Variants in SLMAP observed in about 807,000 individuals in gnomAD.
SLMAP encodes sarcolemmal membrane-associated protein.
A neutral mutation model predicts 128.8 loss-of-function variants in SLMAP; 44 were observed. The ratio of observed to expected loss-of-function variants is 0.34; its 90% confidence interval spans 0.27 to 0.44. The LOEUF is 0.44. SLMAP is among the 20% of genes least tolerant of loss of function. The pLI is 1.00. For synonymous variants in SLMAP, 327 were observed against 348.8 expected (o/e 0.94, Z 0.70); for missense variants, 787 against 985.3 (o/e 0.80, Z 2.69).
Position 57,896,921 on chromosome 3 carries a change from C to G in SLMAP, c.1490C>G (p.Ser497Cys). 1 of 1,613,012 alleles carries G rather than the reference C, an allele frequency of 6.2e-7. No homozygotes were observed. Among genetic ancestry groups the G allele is most frequent in the South Asian group, 1.1e-5 (1 of 90,698 alleles). The change falls in exon 17 of 25, where the codon TCC (serine) becomes TGC (cysteine). Residue 497 changes from serine to cysteine, a missense_variant. Ser to Cys is a moderately radical substitution (Grantham distance 112). This residue lies in a region of SLMAP where 715 missense variants were observed against 843.6 expected (regional missense o/e 0.85). Coordinates refer to ENST00000671191, the MANE Select transcript of SLMAP (RefSeq NM_001377540.1). ...QDLNEPLAKV[S>C]LLKDDLQGAQ... Reference sequence around the variant, plus strand: ...CTAAATGAGCCTCTTGCCAAAGTGTCCCTTTTAAAAGGTACTTTAACATGT... The same window carrying G: ...CTAAATGAGCCTCTTGCCAAAGTGTGCCTTTTAAAAGGTACTTTAACATGT...
intron 14 of SLMAP, among the ~76,000 whole-genome samples, chr3:57,888,561 G>A (rs1249797380): frequency 6.6e-6 from 1 of 151,692 alleles, no homozygotes; most frequent in African/African-American, 2.4e-5. Flanking sequence ...AGGTTGCAGT[G>A]AGCTGAGATT....
Position 57,912,505 on chromosome 3 carries a change from A to G in SLMAP, c.1824A>G (p.Ala608=). The part of the protein sequence containing the change: ...RDEILLLHQA[A]AKVASERDTD... ...AAATTTTGCTCCTTCATCAAGCAGC[A>G]GCAAAGGTTGCCTCTGAGCGGGACA... The change falls in exon 20 of 25, where the codon GCA becomes GCG. Residue 608 remains alanine (A), a synonymous_variant. Transcript: ENST00000671191. The G allele has an allele frequency of 6.2e-7, 1 of 1,614,198 alleles. No homozygotes were observed. The highest frequency in any genetic ancestry group is 8.5e-7 in the Non-Finnish European group (1 of 1,180,028).
chr3:57,758,280 A>G (rs2077961372), intron 2 of SLMAP, among the ~76,000 whole-genome samples: 2 of 152,358 alleles, frequency 1.3e-5, no homozygotes, highest in Non-Finnish European at 2.9e-5. Flanking sequence ...TAGTTAACAC[A>G]TAGCTTTAGG....
chr3:57,867,557 A>C (rs957391574), intron 13 of SLMAP, among the ~76,000 whole-genome samples: 2 of 152,168 alleles, frequency 1.3e-5, no homozygotes, highest in Admixed American at 1.3e-4. Context: ...GATAGTGACT[A>C]ATAGAATATT....
intron 22 of SLMAP, among the ~76,000 whole-genome samples, chr3:57,922,420 C>CTTT (rs1361913887): frequency 4.9e-5 from 7 of 142,738 alleles, no homozygotes; most frequent in South Asian, 2.2e-4. Flanking sequence ...ACATTAAAGG[C>CTTT]TTTTCTTTTT....
intron 14 of SLMAP, among the ~76,000 whole-genome samples, chr3:57,873,584 G>T (rs191543944): frequency 4.8e-4 from 73 of 152,284 alleles, no homozygotes; most frequent in Admixed American, 2.6e-4. Context: ...GTTACCTTCT[G>T]ATTACTAAAT....
At chr3:57,914,714 C>T (rs1043309560) in intron 21 of SLMAP, among the ~76,000 whole-genome samples, 1 of 151,908 alleles carries the variant, frequency 6.6e-6, no homozygotes, top group African/African-American at 2.4e-5. Context: ...TCCTGAGTAA[C>T]TTGGATTACA....
At chr3:57,794,300 TCTGTAGTTAC>T (rs2086201428) in intron 2 of SLMAP, among the ~76,000 whole-genome samples, 1 of 152,200 alleles carries the variant, frequency 6.6e-6, no homozygotes, top group African/African-American at 2.4e-5. Flanking sequence ...GTCTCCATGG[TCTGTAGTTAC>T]CACAAAGACT....
intron 14 of SLMAP, 73 bp from the exon 15 acceptor site, chr3:57,889,968 G>A (rs2096013706): frequency 1.9e-6 from 2 of 1,025,662 alleles, no homozygotes; most frequent in Middle Eastern, 2.0e-4. Flanking sequence ...GTCATGGAAT[G>A]TGTTACACTG....
At chr3:57,867,100 A>T (rs527385791) in intron 13 of SLMAP, among the ~76,000 whole-genome samples, 139 of 152,256 alleles carry the variant, frequency 9.1e-4, no homozygotes, top group African/African-American at 3.3e-3. Context: ...GATCACTTGA[A>T]CCTGGGAGGC....
intron 2 of SLMAP, among the ~76,000 whole-genome samples, chr3:57,814,129 A>G (rs949137300): frequency 2.0e-5 from 3 of 150,662 alleles, no homozygotes; most frequent in Non-Finnish European, 2.9e-5. Context: ...TCTCCCCGCA[A>G]TACTTTCCAA....
intron 14 of SLMAP, among the ~76,000 whole-genome samples, chr3:57,887,308 C>A (rs1287869677): frequency 6.6e-6 from 1 of 150,770 alleles, no homozygotes; most frequent in African/African-American, 2.4e-5. Context: ...CAGCTCACCT[C>A]AATCTCCGCT....
intron 2 of SLMAP, among the ~76,000 whole-genome samples, chr3:57,812,936 T>C (rs115400940): frequency 0.018 from 2,772 of 152,220 alleles, 75 homozygotes; most frequent in African/African-American, 0.063. Flanking sequence ...GTTTAGTGTA[T>C]AGAAATGCAA....
intron 6 of SLMAP, among the ~76,000 whole-genome samples, chr3:57,857,287 G>A (rs1438520564): frequency 2.6e-5 from 4 of 152,136 alleles, no homozygotes; most frequent in African/African-American, 9.7e-5. Context: ...CCTATCTGCA[G>A]GGAATATGTT....
chr3:57,923,836 C>T (rs2118417), intron 23 of SLMAP, among the ~76,000 whole-genome samples: 1 of 152,184 alleles, frequency 6.6e-6, no homozygotes, highest in Admixed American at 6.5e-5. Flanking sequence ...TACTCATTTG[C>T]ACACAGAATG....
At chr3:57,908,714 A>G (rs1396164326) in intron 18 of SLMAP, among the ~76,000 whole-genome samples, 1 of 152,212 alleles carries the variant, frequency 6.6e-6, no homozygotes, top group Non-Finnish European at 1.5e-5. Context: ...TATTTAGTTT[A>G]GTGTTTACTA....
At chr3:57,852,523 AATTGTGAAGAATAAAAAAATTAAT>A in intron 6 of SLMAP, among the ~76,000 whole-genome samples, 1 of 152,310 alleles carries the variant, frequency 6.6e-6, no homozygotes, top group East Asian at 1.9e-4. Flanking sequence ...ACTTACACAG[AATTGTGAAGAATAAAAAAATTAAT>A]ATATGTAAAG....
At position 57,847,212 on chromosome 3, in the gene SLMAP, A is replaced by G; in HGVS notation, c.435A>G (p.Pro145=). The change falls in exon 5 of 25, where the codon CCA becomes CCG. Residue 145 remains proline, a synonymous_variant. Coordinates refer to ENST00000671191, the MANE Select transcript of SLMAP (RefSeq NM_001377540.1). ...TACTTTTCAGTGTCATCCATGCACC[A>G]TTACCAAGTCCTGTTGACAAAGTAA... The part of the protein sequence containing the change: ...ARLRSDVIHA[P]LPSPVDKVAA... The G allele has an allele frequency of 6.2e-7, 1 of 1,608,868 alleles. No homozygotes were observed. Among genetic ancestry groups the G allele is most frequent in the South Asian group, 1.1e-5 (1 of 90,306 alleles).
At chr3:57,794,671 C>A (rs778406094) in intron 2 of SLMAP, among the ~76,000 whole-genome samples, 1 of 152,088 alleles carries the variant, frequency 6.6e-6, no homozygotes, top group African/African-American at 2.4e-5. Context: ...CATTTTATAT[C>A]GATGGAATGA....
Sources: gnomAD v4.1 joint callset for allele counts (sites outside exome capture counted in the v4.1 genomes callset) on GRCh38, gnomAD v4.1.1 for gene constraint, gnomAD v4.1.1 regional missense constraint, MANE v1.5 for transcripts, NCBI Gene and HGNC (gene_info 2026-07-23, HGNC 2026-07-21) for gene names.